FER: variants seen among roughly 807,000 people sequenced by gnomAD.
FER encodes tyrosine-protein kinase Fer.
Under a neutral mutation model 111.0 loss-of-function variants are expected in FER, and 63 were observed. The ratio of observed to expected loss-of-function variants is 0.57; its 90% confidence interval spans 0.46 to 0.70. The LOEUF (loss-of-function observed/expected upper bound fraction) is 0.70. Ranked by LOEUF, FER falls within the 30% of genes least tolerant of loss-of-function variation. The pLI is 0.00. For missense variants in FER, 914 were observed against 954.0 expected (o/e 0.96, Z 0.55); for synonymous variants, 327 against 313.9 (o/e 1.04, Z -0.44).
chr5:109,144,946 T>C (rs1446899963), intron 17 of FER, among the ~76,000 whole-genome samples: 1 of 152,114 alleles, frequency 6.6e-6, no homozygotes, highest in Non-Finnish European at 1.5e-5. Flanking sequence ...TATGAAGAGA[T>C]ATGTGGTGCC....
At chr5:109,058,820 C>T (rs1774000935) in intron 16 of FER, among the ~76,000 whole-genome samples, 1 of 149,064 alleles carries the variant, frequency 6.7e-6, no homozygotes, top group African/African-American at 2.5e-5. Flanking sequence ...GCAACCTCCG[C>T]CTTCTGGGTT....
chr5:108,844,532 A>G (rs1182244612), intron 5 of FER, among the ~76,000 whole-genome samples: 2 of 152,086 alleles, frequency 1.3e-5, no homozygotes, highest in African/African-American at 4.8e-5. Context: ...TAAAATATTT[A>G]TTTTGATAAA....
At chr5:109,164,107 T>C (rs1756291438) in intron 17 of FER, among the ~76,000 whole-genome samples, 1 of 152,144 alleles carries the variant, frequency 6.6e-6, no homozygotes, top group Non-Finnish European at 1.5e-5. Context: ...TCCTAGTGGA[T>C]TGGCTCATTC....
intron 1 of FER, among the ~76,000 whole-genome samples, chr5:108,751,102 G>C (rs1009416120): frequency 6.6e-6 from 1 of 152,168 alleles, no homozygotes; most frequent in African/African-American, 2.4e-5. Flanking sequence ...TGAGGCAGGA[G>C]AACCGCTTGA....
intron 2 of FER, among the ~76,000 whole-genome samples, chr5:108,788,637 C>T (rs1026994128): frequency 6.6e-6 from 1 of 151,158 alleles, no homozygotes; most frequent in Middle Eastern, 3.2e-3. Flanking sequence ...TCCTTTCAGT[C>T]TTGGACTGCC....
chr5:108,770,847 A>G (rs931899111), intron 2 of FER, among the ~76,000 whole-genome samples: 2 of 152,186 alleles, frequency 1.3e-5, no homozygotes, highest in African/African-American at 4.8e-5. Flanking sequence ...TCAGGTGCAA[A>G]GTGAAATGGA....
chr5:108,972,440 A>C (rs1203646858), intron 13 of FER, among the ~76,000 whole-genome samples: 1 of 152,164 alleles, frequency 6.6e-6, no homozygotes, highest in East Asian at 1.9e-4. Flanking sequence ...TTCCATCTTC[A>C]TTATTAGTCT....
rs1168343405 is a variant in FER, at chr5:109,193,566, T to C, written c.*5991T>C. 6.7e-6 allele frequency: 1 copy of C among 148,992 alleles called. No homozygotes were observed. Among genetic ancestry groups the C allele is most frequent in the African/African-American group, 2.4e-5 (1 of 41,128 alleles). The allele number at this position is 148,992 out of a possible 1,614,324, so 9.2% of individuals were successfully genotyped here. On this transcript the variant is annotated 3_prime_UTR_variant, in exon 20 of 20. Transcript: ENST00000281092. ...AATGAACTGTTCTAAGTGACAGTGT[T>C]GATGCTGGAAGTGGAATGTTATGTT... is the stretch of plus-strand genomic sequence containing the variant.
Position 108,838,400 on chromosome 5 carries a change from C to G in FER, c.481+2593C>G, listed in dbSNP as rs910347341. On this transcript the variant is annotated intron_variant, in intron 5 of 19. Transcript: ENST00000281092. The stretch of plus-strand genomic sequence containing the variant: ...TAGAAAAGTTATTTACAATCCCAAT[C>G]TAACATAGAGCATCCAATTAGAGAA... Among the ~76,000 whole-genome samples, 3 of 152,128 alleles carry G rather than the reference C, an allele frequency of 2.0e-5. No individual in the cohort carries two copies. The East Asian group carries it at 5.8e-4, about 29-fold the overall frequency.
chr5:108,938,060 AC>A (rs1323917530), intron 10 of FER, among the ~76,000 whole-genome samples: 23 of 150,360 alleles, frequency 1.5e-4, no homozygotes, highest in Non-Finnish European at 3.1e-4. Flanking sequence ...ACACACACAC[AC>A]ACACACACAC....
At chr5:109,102,603 G>A (rs890672429) in intron 17 of FER, among the ~76,000 whole-genome samples, 1 of 152,008 alleles carries the variant, frequency 6.6e-6, no homozygotes, top group African/African-American at 2.4e-5. Flanking sequence ...AAAAATGTTT[G>A]TTATGACTTT....
At chr5:108,749,527 C>A (rs1750209988) in intron 1 of FER, among the ~76,000 whole-genome samples, 1 of 152,104 alleles carries the variant, frequency 6.6e-6, no homozygotes, top group African/African-American at 2.4e-5. Flanking sequence ...CCCTGGTATT[C>A]CCCCCATCCC....
chr5:108,994,733 T>C (rs958474248), intron 13 of FER, among the ~76,000 whole-genome samples: 1 of 152,248 alleles, frequency 6.6e-6, no homozygotes, highest in African/African-American at 2.4e-5. Flanking sequence ...TGATTATTCC[T>C]ATCCACGAGC....
At chr5:108,944,735 C>T (rs11953486) in intron 10 of FER, among the ~76,000 whole-genome samples, 2 of 151,852 alleles carry the variant, frequency 1.3e-5, no homozygotes, top group Non-Finnish European at 2.9e-5. Flanking sequence ...CACTGGTTGG[C>T]ATGTTTTATT....
chr5:109,024,303 A>T (rs1036993980), intron 13 of FER, among the ~76,000 whole-genome samples: 15 of 152,184 alleles, frequency 9.9e-5, no homozygotes, highest in African/African-American at 3.6e-4. Flanking sequence ...TCAGGTTCCA[A>T]CAGCCCAACA....
At chr5:108,862,574 G>T (rs1763633471) in intron 5 of FER, among the ~76,000 whole-genome samples, 1 of 152,038 alleles carries the variant, frequency 6.6e-6, no homozygotes, top group African/African-American at 2.4e-5. Context: ...TAAATAAGAG[G>T]CAAAATATGG....
intron 16 of FER, among the ~76,000 whole-genome samples, chr5:109,098,085 C>T (rs1174882245): frequency 6.6e-6 from 1 of 151,620 alleles, no homozygotes; most frequent in Admixed American, 6.6e-5. Context: ...ATCAGAAACC[C>T]CTTGTGTATC....
At chr5:108,967,058 C>G (rs1759947988) in intron 13 of FER, among the ~76,000 whole-genome samples, 1 of 152,154 alleles carries the variant, frequency 6.6e-6, no homozygotes, top group Non-Finnish European at 1.5e-5. Context: ...AGTGATGCCC[C>G]CACCTAGGCC....
intron 3 of FER, among the ~76,000 whole-genome samples, chr5:108,819,223 C>A (rs1249829573): frequency 7.0e-6 from 1 of 142,200 alleles, no homozygotes; most frequent in Non-Finnish European, 1.5e-5. Context: ...GGATCTGACT[C>A]TTTTGCCCAC....
Sources: gnomAD v4.1 joint callset for allele counts (sites outside exome capture counted in the v4.1 genomes callset) on GRCh38, gnomAD v4.1.1 for gene constraint, MANE v1.5 for transcripts, NCBI Gene and HGNC (gene_info 2026-07-23, HGNC 2026-07-21) for gene names.